The following DCC variants were observed in gnomAD, a reference collection of about 807,000 sequenced individuals.
The protein encoded by DCC is netrin receptor DCC.
DCC carries 58 observed loss-of-function variants against 172.5 expected under a neutral mutation model. The ratio of observed to expected loss-of-function variants is 0.34; its 90% CI spans 0.27 to 0.42. The LOEUF is 0.42. Ranked by LOEUF, DCC falls within the 10% of genes least tolerant of loss-of-function variation. DCC has a pLI of 1.00. For missense variants in DCC, 1,740 were observed against 1,791.0 expected, an observed-to-expected ratio of 0.97 and a Z score of 0.51; for synonymous variants, 709 against 644.5, an observed-to-expected ratio of 1.10 and a Z score of -1.52.
At chr18:52,496,803 A>G (rs1486441277) in intron 1 of DCC, among the ~76,000 whole-genome samples, 2 of 152,114 alleles carry the variant, frequency 1.3e-5, no homozygotes, top group African/African-American at 4.8e-5. Context: ...CATCAGTTTA[A>G]ATCTCAATAT....
chr18:53,433,806 T>A (rs943841891), intron 21 of DCC, among the ~76,000 whole-genome samples: 2 of 152,200 alleles, frequency 1.3e-5, no homozygotes, highest in Admixed American at 1.3e-4. Flanking sequence ...GCCTGCATCC[T>A]ATCTCCTACT....
intron 9 of DCC, among the ~76,000 whole-genome samples, chr18:53,180,501 A>G (rs1568350521): frequency 1.3e-5 from 2 of 152,060 alleles, no homozygotes; most frequent in Admixed American, 6.6e-5. Flanking sequence ...TGGGATGGCT[A>G]CAGCAGAACG....
chr18:53,426,107 G>C (rs1910919251), intron 21 of DCC, among the ~76,000 whole-genome samples: 1 of 150,864 alleles, frequency 6.6e-6, no homozygotes, highest in South Asian at 2.1e-4. Context: ...CAGCTCCTTT[G>C]GTTCCCTAAT....
At chr18:52,863,150 C>G (rs7232877) in intron 2 of DCC, among the ~76,000 whole-genome samples, 2,907 of 151,988 alleles carry the variant, frequency 0.019, 76 homozygotes, top group African/African-American at 0.063. Flanking sequence ...CTTTTAAAAA[C>G]CTTTAGCCAG....
intron 2 of DCC, among the ~76,000 whole-genome samples, chr18:52,817,803 A>ATATATATATG (rs375371359): frequency 6.6e-6 from 1 of 151,428 alleles, no homozygotes; most frequent in Non-Finnish European, 1.5e-5. Flanking sequence ...ATATATATAT[A>ATATATATATG]TGTGTGTGTG....
At chr18:52,990,983 G>C (rs1312083785) in intron 5 of DCC, among the ~76,000 whole-genome samples, 1 of 152,132 alleles carries the variant, frequency 6.6e-6, no homozygotes, top group African/African-American at 2.4e-5. Context: ...AGGGCATTGA[G>C]CCAAGACAGG....
intron 25 of DCC, among the ~76,000 whole-genome samples, chr18:53,478,223 C>T (rs952070873): frequency 2.0e-5 from 3 of 152,180 alleles, no homozygotes; most frequent in African/African-American, 7.2e-5. Context: ...CCTTCTCTAT[C>T]CTGACTCAAG....
At chr18:52,699,315 GGCTAGGGGTGGTCTCAT>G (rs2036066979) in intron 1 of DCC, among the ~76,000 whole-genome samples, 1 of 152,074 alleles carries the variant, frequency 6.6e-6, no homozygotes, top group Non-Finnish European at 1.5e-5. Context: ...GTGGCCCTCT[GGCTAGGGGTGGTCTCAT>G]GCTAGGAGCT....
At chr18:52,777,083 T>C (rs201649253) in intron 2 of DCC, among the ~76,000 whole-genome samples, 1 of 152,332 alleles carries the variant, frequency 6.6e-6, no homozygotes, top group East Asian at 1.9e-4. Flanking sequence ...AAAAATTACC[T>C]TATAAAATGT....
chr18:53,156,130 T>A (rs2054729677), intron 7 of DCC, among the ~76,000 whole-genome samples: 2 of 152,208 alleles, frequency 1.3e-5, no homozygotes, highest in Admixed American at 1.3e-4. Context: ...TTTGTACACC[T>A]ACTTGGGCTG....
At chr18:52,471,572 C>T (rs910130017) in intron 1 of DCC, among the ~76,000 whole-genome samples, 18 of 152,114 alleles carry the variant, frequency 1.2e-4, no homozygotes, top group Non-Finnish European at 2.5e-4. Context: ...TTCAGCAGCA[C>T]CTAACTCTGG....
At chr18:52,910,752 T>C (rs545097686) in intron 3 of DCC, among the ~76,000 whole-genome samples, 2 of 152,280 alleles carry the variant, frequency 1.3e-5, no homozygotes, top group South Asian at 4.1e-4. Context: ...CCTAATTGAA[T>C]TGATCAATTG....
At chr18:52,788,246 C>T (rs2037694725) in intron 2 of DCC, among the ~76,000 whole-genome samples, 1 of 152,130 alleles carries the variant, frequency 6.6e-6, no homozygotes, top group African/African-American at 2.4e-5. Flanking sequence ...TACTAAAAGA[C>T]ACCTTGCAAA....
At chr18:52,686,501 T>C (rs1412938486) in intron 1 of DCC, among the ~76,000 whole-genome samples, 2 of 152,238 alleles carry the variant, frequency 1.3e-5, no homozygotes, top group Middle Eastern at 3.4e-3. Context: ...GTTTTTGGAA[T>C]TGAGGTAATG....
Position 53,045,719 on chromosome 18 carries a change from A to T in DCC, c.986-17586A>T, listed in dbSNP as rs145555639. Among the ~76,000 whole-genome samples, 18 of 152,008 alleles carry T rather than the reference A, an allele frequency of 1.2e-4. 1 individual carries two copies. The East Asian group carries it at 3.1e-3, about 26-fold the overall frequency. On this transcript the variant is annotated intron_variant, in intron 5 of 28. Coordinates refer to ENST00000442544, the MANE Select transcript of DCC (RefSeq NM_005215.4). ...AGATTTCGCTATTTTGTAAAAGTCT[A>T]ATGTATGCCTTTGTCATTTCCCATT... is the stretch of plus-strand genomic sequence containing the variant.
chr18:52,603,942 T>G (rs2034074818), intron 1 of DCC, among the ~76,000 whole-genome samples: 1 of 152,114 alleles, frequency 6.6e-6, no homozygotes, highest in African/African-American at 2.4e-5. Flanking sequence ...ATTTTGAAAT[T>G]TGGCCATAAT....
chr18:53,301,002 TTCTTTCTTTTCAC>T (rs2057133464), intron 12 of DCC, among the ~76,000 whole-genome samples: 1 of 150,738 alleles, frequency 6.6e-6, no homozygotes, highest in African/African-American at 2.4e-5. Context: ...TTTTTTTCTT[TTCTTTCTTTTCAC>T]TCTTTCTTTT....
At chr18:53,198,612 A>C (rs1228468341) in intron 9 of DCC, among the ~76,000 whole-genome samples, 1 of 152,176 alleles carries the variant, frequency 6.6e-6, no homozygotes, top group Non-Finnish European at 1.5e-5. Flanking sequence ...CTGTTATACT[A>C]TAAATTTTTA....
intron 1 of DCC, chr18:52,409,350 T>C (rs1025298106): frequency 1.1e-4 from 16 of 152,182 alleles, no homozygotes; most frequent in African/African-American, 3.9e-4. Flanking sequence ...TTCATCATAA[T>C]AACTTGTGTG....
Sources: gnomAD v4.1 joint callset for allele counts (sites outside exome capture counted in the v4.1 genomes callset) on GRCh38, gnomAD v4.1.1 for gene constraint, MANE v1.5 for transcripts, NCBI Gene and HGNC (gene_info 2026-07-23, HGNC 2026-07-21) for gene names.